Variants in IRAK3 observed in about 807,000 individuals in gnomAD.
The protein encoded by IRAK3 is interleukin-1 receptor-associated kinase 3.
A neutral mutation model predicts 56.6 loss-of-function variants in IRAK3; 57 were observed. The observed-to-expected ratio is 1.01, with a 90% confidence interval of 0.81 to 1.26. IRAK3 has a LOEUF of 1.26. Ranked by LOEUF, IRAK3 falls within the 50% of genes most tolerant of loss-of-function variation. IRAK3 has a pLI of 0.00. For missense variants in IRAK3, 703 were observed against 719.0 expected, an observed-to-expected ratio of 0.98 and a Z score of 0.25; for synonymous variants, 258 against 255.7, an observed-to-expected ratio of 1.01 and a Z score of -0.09.
rs1200039561 is a variant in IRAK3, at chr12:66,249,026, C to G, written c.*855C>G. 2 of 152,210 alleles carry G rather than the reference C, an allele frequency of 1.3e-5. No individual in the cohort carries two copies. The highest frequency in any genetic ancestry group is 2.4e-5 in the African/African-American group (1 of 41,434). The allele number at this position is 152,210 out of a possible 1,614,324, so 9.4% of individuals were successfully genotyped here. ...TGAAATCCTACCAATCATCAGAGCTCTACAAAACAGCCACCTCCTGGAAGC... is the reference window on the plus strand; with the variant it reads ...TGAAATCCTACCAATCATCAGAGCTGTACAAAACAGCCACCTCCTGGAAGC... On this transcript the variant is annotated 3_prime_UTR_variant, in exon 12 of 12. Transcript: ENST00000261233.
chr12:66,193,992 A>G (rs114836816), intron 1 of IRAK3, among the ~76,000 whole-genome samples: 2,802 of 152,270 alleles, frequency 0.018, 31 homozygotes, highest in African/African-American at 0.042. Flanking sequence ...CAGTGGCACA[A>G]TCACAACTCA....
Position 66,214,699 on chromosome 12 carries a change from A to T in IRAK3, c.589-2472A>T, listed in dbSNP as rs192965827. On this transcript the variant is annotated intron_variant, in intron 5 of 11. Transcript: ENST00000261233. Reference sequence around the variant, plus strand: ...GAATTATCTAGGAGCTTTTTAAAAAAATGAGCCTTTAAAAAAATTGACTTT... The same window carrying T: ...GAATTATCTAGGAGCTTTTTAAAAATATGAGCCTTTAAAAAAATTGACTTT... Among the ~76,000 whole-genome samples the T allele has an allele frequency of 7.2e-3, 1,093 of 152,326 alleles. 6 individuals carry two copies. The highest frequency in any genetic ancestry group is 0.034 in the Middle Eastern group (10 of 294).
intron 6 of IRAK3, among the ~76,000 whole-genome samples, chr12:66,225,130 G>T (rs116386036): frequency 1.3e-5 from 2 of 152,010 alleles, no homozygotes. Flanking sequence ...GCACCAGGCC[G>T]TGGCTCTGTC....
In IRAK3 at chr12:66,254,198, A is replaced by G. The variant is rs1435186888; in HGVS notation, c.*6027A>G. 6.6e-6 allele frequency: 1 copy of G among 152,196 alleles called. No individual in the cohort carries two copies. The highest frequency in any genetic ancestry group is 1.5e-5 in the Non-Finnish European group (1 of 68,010). 9.4% of individuals were successfully genotyped at this position (152,196 alleles called of 1,614,324 possible). A position where few individuals can be genotyped will look rare whatever the true frequency, so the allele number is the denominator to read the frequency against. ...TTTGTTTAGGAATTTATCCTAATGA[A>G]TAAAAGTTGTCCAAGTCTTCAAACA... On this transcript the variant is annotated 3_prime_UTR_variant, in exon 12 of 12. Transcript: ENST00000261233.
chr12:66,223,239 A>G (rs1377953300), intron 6 of IRAK3, among the ~76,000 whole-genome samples: 1 of 152,174 alleles, frequency 6.6e-6, no homozygotes, highest in African/African-American at 2.4e-5. Flanking sequence ...GGCCATCTGG[A>G]TGTATACATG....
chr12:66,205,692 T>G (rs957474061), intron 2 of IRAK3, among the ~76,000 whole-genome samples: 1 of 152,204 alleles, frequency 6.6e-6, no homozygotes, highest in Non-Finnish European at 1.5e-5. Context: ...AAATAATCAG[T>G]TATTGCCCAC....
intron 6 of IRAK3, among the ~76,000 whole-genome samples, chr12:66,221,416 G>A (rs1276849432): frequency 6.6e-6 from 1 of 152,118 alleles, no homozygotes; most frequent in Non-Finnish European, 1.5e-5. Flanking sequence ...AATGGAAAGG[G>A]TGGGCACACT....
intron 5 of IRAK3, among the ~76,000 whole-genome samples, chr12:66,215,110 T>G (rs2052655960): frequency 6.6e-6 from 1 of 152,220 alleles, no homozygotes; most frequent in African/African-American, 2.4e-5. Context: ...AACAACCAGC[T>G]GGCCCAACTA....
At chr12:66,209,271 A>G (rs1018971135) in intron 2 of IRAK3, among the ~76,000 whole-genome samples, 185 bp from the exon 3 acceptor site, 3 of 152,216 alleles carry the variant, frequency 2.0e-5, no homozygotes. Flanking sequence ...GTTAATTAGA[A>G]AGCTATTTCA....
At chr12:66,225,902 G>C (rs981769666) in intron 6 of IRAK3, among the ~76,000 whole-genome samples, 19 of 152,212 alleles carry the variant, frequency 1.2e-4, no homozygotes, top group African/African-American at 4.6e-4. Flanking sequence ...GAGCTGTGTA[G>C]CTGGTATCTA....
Position 66,248,169 on chromosome 12 carries a change from T to C in IRAK3, c.1789T>C (p.Ter597GlnextTer16). 1 of 1,608,896 alleles carries C rather than the reference T, an allele frequency of 6.2e-7. No homozygotes were observed. Among genetic ancestry groups the C allele is most frequent in the East Asian group, 2.2e-5 (1 of 44,854 alleles). Residue 597 changes from the stop codon to glutamine, a stop_lost, in exon 12 of 12, where the codon TAA becomes CAA. Transcript: ENST00000261233. Reference sequence around the variant, plus strand: ...TGAATATGAACAGTACAAAAAAGAATAAATTCTACCAGAAGATAAAGAAAA... The same window carrying C: ...TGAATATGAACAGTACAAAAAAGAACAAATTCTACCAGAAGATAAAGAAAA... ...WDEYEQYKKE[*>Q] is the part of the protein sequence containing the mutation.
rs546694664 is a variant in IRAK3 at position 66,228,333 on chromosome 12, G to A, written c.850G>A (p.Val284Ile). The A allele has an allele frequency of 1.1e-5, 17 of 1,613,966 alleles. No individual in the cohort carries two copies. Among genetic ancestry groups the A allele is most frequent in the East Asian group, 4.5e-5 (2 of 44,888 alleles). ...CAAAGCCATTCACTACCTGCACAACGTTCAACCATGCTCGGTCATCTGTGG... is the reference window on the plus strand; with the variant it reads ...CAAAGCCATTCACTACCTGCACAACATTCAACCATGCTCGGTCATCTGTGG... The part of the protein sequence containing the change: ...ISKAIHYLHN[V>I]QPCSVICGSI... Residue 284 changes from valine to isoleucine, a missense_variant, in exon 8 of 12, where the codon GTT becomes ATT. Val to Ile is a conservative substitution (Grantham distance 29, BLOSUM62 3). Transcript: ENST00000261233.
At position 66,245,258 on chromosome 12, in the gene IRAK3, A is replaced by T; in HGVS notation, c.1310A>T (p.Asp437Val). 6.2e-7 allele frequency: 1 copy of T among 1,614,118 alleles called. No homozygotes were observed. ...CGGGCAAAGTTAAGACCATCAATGG[A>T]TGAAGTGAGTATATACATGGTTTTA... ...ATRAKLRPSM[D>V]EVLNTLESTQ... Residue 437 changes from aspartate to valine, a missense_variant, in exon 11 of 12, where the codon GAT becomes GTT. Transcript: ENST00000261233.
At chr12:66,243,949 T>C (rs1371379532) in intron 8 of IRAK3, among the ~76,000 whole-genome samples, 1 of 152,220 alleles carries the variant, frequency 6.6e-6, no homozygotes, top group Non-Finnish European at 1.5e-5. Flanking sequence ...CAAACATTTG[T>C]ATTTTAAATA....
At chr12:66,225,823 A>C (rs559258018) in intron 6 of IRAK3, among the ~76,000 whole-genome samples, 1 of 152,286 alleles carries the variant, frequency 6.6e-6, no homozygotes, top group Admixed American at 6.5e-5. Context: ...TGTTCTCAAC[A>C]TCAAACATTA....
intron 1 of IRAK3, among the ~76,000 whole-genome samples, chr12:66,195,359 G>C (rs139843292): frequency 6.6e-6 from 1 of 152,134 alleles, no homozygotes; most frequent in Non-Finnish European, 1.5e-5. Flanking sequence ...TACTGCCCTT[G>C]ACCTCCTTGA....
At position 66,220,514 on chromosome 12, in the gene IRAK3, C is replaced by CTTT. The variant is rs1555203808; in HGVS notation, c.653+3301_653+3303dup. Among the ~76,000 whole-genome samples, 246 of 67,316 alleles carry CTTT rather than the reference C, an allele frequency of 3.7e-3. 1 individual carries two copies. The highest frequency in any genetic ancestry group is 6.9e-3 in the East Asian group (18 of 2,608). The allele number at this position is 67,316 out of a possible 152,430, so 44.2% of individuals were successfully genotyped here. A position where few individuals can be genotyped will look rare whatever the true frequency, so the allele number is the denominator to read the frequency against. ...AATGCCTCTGGCTTTGTTCTTCTTT[C>CTTT]TTTTTTTTTTTTTTTTTTTTTTTTG... On this transcript the variant is annotated intron_variant, in intron 6 of 11. Transcript: ENST00000261233.
At chr12:66,216,323 A>G (rs2052676613) in intron 5 of IRAK3, among the ~76,000 whole-genome samples, 1 of 152,212 alleles carries the variant, frequency 6.6e-6, no homozygotes, top group African/African-American at 2.4e-5. Flanking sequence ...GTCCTTGAAA[A>G]TGATTTTTTA....
chr12:66,201,807 A>G (rs755944531), intron 1 of IRAK3, among the ~76,000 whole-genome samples: 2 of 152,204 alleles, frequency 1.3e-5, no homozygotes, highest in South Asian at 2.1e-4. Flanking sequence ...AAAGTGTTCA[A>G]TGGGAAGACA....
Sources: gnomAD v4.1 joint callset for allele counts (sites outside exome capture counted in the v4.1 genomes callset) on GRCh38, gnomAD v4.1.1 for gene constraint, MANE v1.5 for transcripts, NCBI Gene and HGNC (gene_info 2026-07-23, HGNC 2026-07-21) for gene names.